SKI: variants seen among roughly 807,000 people sequenced by gnomAD.
SKI encodes SKI proto-oncogene, also known as ski oncogene.
In SKI, 23 loss-of-function variants were observed where a neutral mutation model predicts 59.3. That is an observed-to-expected ratio of 0.39 (90% CI 0.28 to 0.55). The LOEUF is 0.55. SKI is among the 20% of genes least tolerant of loss of function. The pLI is 0.67. For synonymous variants in SKI, 673 were observed against 488.6 expected (o/e 1.38, Z -4.98); for missense variants, 1,017 against 1,038.9 (o/e 0.98, Z 0.29).
At chr1:2,266,746 C>T (rs909691153) in intron 1 of SKI, among the ~76,000 whole-genome samples, 5 of 152,192 alleles carry the variant, frequency 3.3e-5, no homozygotes, top group African/African-American at 1.2e-4. Flanking sequence ...TCATCCACTC[C>T]ATTTGTAAAA....
At chr1:2,282,349 C>T (rs1253000170) in intron 1 of SKI, among the ~76,000 whole-genome samples, 1 of 10,866 alleles carries the variant, frequency 9.2e-5, no homozygotes, top group African/African-American at 5.8e-4. Context: ...AGAAGACAGG[C>T]GGTGGCGGAG....
At chr1:2,254,049 A>C (rs942592219) in intron 1 of SKI, among the ~76,000 whole-genome samples, 14 of 152,214 alleles carry the variant, frequency 9.2e-5, no homozygotes, top group African/African-American at 3.4e-4. Flanking sequence ...GCTTGTCCGG[A>C]GCTGCCTCAT....
At chr1:2,233,747 G>A in intron 1 of SKI, among the ~76,000 whole-genome samples, 1 of 152,170 alleles carries the variant, frequency 6.6e-6, no homozygotes, top group East Asian at 1.9e-4. Flanking sequence ...AGCTTGTGGA[G>A]GCCAGGAAGG....
At chr1:2,294,417 C>T (rs1640237611) in intron 1 of SKI, among the ~76,000 whole-genome samples, 1 of 152,244 alleles carries the variant, frequency 6.6e-6, no homozygotes, top group African/African-American at 2.4e-5. Flanking sequence ...ATCCAGAGCC[C>T]CGACTCCCGC....
intron 1 of SKI, among the ~76,000 whole-genome samples, chr1:2,230,320 G>C (rs1638606150): frequency 6.6e-6 from 1 of 152,198 alleles, no homozygotes; most frequent in South Asian, 2.1e-4. Flanking sequence ...AATGAAGCCA[G>C]GTGTCCAGGC....
chr1:2,266,675 A>G (rs1639507072), intron 1 of SKI, among the ~76,000 whole-genome samples: 1 of 152,178 alleles, frequency 6.6e-6, no homozygotes, highest in South Asian at 2.1e-4. Context: ...CCTTGGCTGC[A>G]GGCGGGCCCT....
intron 1 of SKI, chr1:2,232,566 A>C (rs1263475245): frequency 1.3e-5 from 2 of 152,204 alleles, no homozygotes; most frequent in Non-Finnish European, 2.9e-5. Flanking sequence ...CCCTCATGTC[A>C]CGGGGTTACA....
intron 1 of SKI, among the ~76,000 whole-genome samples, chr1:2,295,199 G>T (rs561911417): frequency 7.9e-5 from 12 of 152,302 alleles, no homozygotes; most frequent in Admixed American, 1.3e-4. Context: ...AGGTGTGCCA[G>T]TGTGGCAGCC....
chr1:2,229,171 G>T lies in SKI; in HGVS notation c.405G>T (p.Ser135=), dbSNP rs769774481. ...TCAACTCGGTGCTGCGCGACTTCTC[G>T]CTGCAGCAGATCAACGCGGTGTGCG... is the stretch of plus-strand genomic sequence containing the variant. ...QILNSVLRDF[S]LQQINAVCDE... The change falls in exon 1 of 7, where the codon TCG becomes TCT. Residue 135 remains serine (S), a synonymous_variant. Transcript: ENST00000378536. This position sits in a 1 kb window ranked among gnomAD's most constrained non-coding sequence, Gnocchi z 6.3. 1.9e-5 allele frequency: 31 copies of T among 1,611,666 alleles called. No homozygotes were observed. In the Admixed American group the frequency reaches 5.0e-4, roughly 26 times the overall value.
At position 2,270,329 on chromosome 1, in the gene SKI, C is replaced by A. The variant is rs529865857; in HGVS notation, c.970-32649C>A. Among the ~76,000 whole-genome samples the A allele has an allele frequency of 6.6e-6, 1 of 152,332 alleles. No homozygotes were observed. The highest frequency in any genetic ancestry group is 2.1e-4 in the South Asian group (1 of 4,824). On this transcript the variant is annotated intron_variant, in intron 1 of 6. Coordinates refer to ENST00000378536, the MANE Select transcript of SKI (RefSeq NM_003036.4). The surrounding 1 kb of genome is among the most constrained non-coding windows in gnomAD (Gnocchi z 4.1). ...GGGCTGAGAGATGCTGGTGACACCA[C>A]TCTGACGCCACGGCCTGAGGCAGCC...
At chr1:2,246,851 G>C (rs556452824) in intron 1 of SKI, among the ~76,000 whole-genome samples, 2 of 116,236 alleles carry the variant, frequency 1.7e-5, no homozygotes, top group African/African-American at 6.1e-5. Context: ...AGAGGAACCT[G>C]ATGGGGGGGG....
In SKI at chr1:2,306,397, AGGGT is replaced by A; in HGVS notation, c.1998+154_1998+157del. On this transcript the variant is annotated intron_variant, in intron 6 of 6. Transcript: ENST00000378536. ...CCGTGCGTGCCCCCCCGACGGGCAC[AGGGT>A]GGGTGGTTGCTGGGCCCTGCGTCTC... 1.5e-5 allele frequency: 15 copies of A among 999,612 alleles called. 1 individual carries two copies. In the South Asian group the frequency reaches 2.5e-4, roughly 17 times the overall value. 61.9% of individuals were successfully genotyped at this position (999,612 alleles called of 1,614,324 possible).
At position 2,303,408 on chromosome 1, in the gene SKI, G is replaced by C. The variant is rs1411361590; in HGVS notation, c.1211+8G>C. 2.5e-6 allele frequency: 4 copies of C among 1,607,086 alleles called. No homozygotes were observed. Among genetic ancestry groups the C allele is most frequent in the Non-Finnish European group, 3.4e-6 (4 of 1,175,176 alleles). On this transcript the variant is annotated splice_region_variant and intron_variant, in intron 3 of 6. Coordinates refer to ENST00000378536, the MANE Select transcript of SKI (RefSeq NM_003036.4). This position sits in a 1 kb window ranked among gnomAD's most constrained non-coding sequence, Gnocchi z 5.6. ...GGCCCTCATCCGAGACAGGTGAGTG[G>C]GCGCCATTCACAGGTGTTTCTGATC...
intron 1 of SKI, among the ~76,000 whole-genome samples, chr1:2,275,880 C>A (rs375087367): frequency 2.6e-4 from 39 of 152,146 alleles, no homozygotes; most frequent in African/African-American, 8.7e-4. Context: ...TGGCAGGCCC[C>A]GTTGCCTCCA....
At position 2,303,710 on chromosome 1, in the gene SKI, GCTTGA is replaced by G; in HGVS notation, c.1212-124_1212-120del. 7.7e-7 allele frequency: 1 copy of G among 1,302,390 alleles called. No individual in the cohort carries two copies. The highest frequency in any genetic ancestry group is 1.1e-6 in the Non-Finnish European group (1 of 934,050). The allele number at this position is 1,302,390 out of a possible 1,614,324, so 80.7% of individuals were successfully genotyped here. A position where few individuals can be genotyped will look rare whatever the true frequency, so the allele number is the denominator to read the frequency against. Reference sequence around the variant, plus strand: ...CTTACGGGTTCTTAGGGAACTGTAAGCTTGACTTGAAGATTCGGAGCTGGGAAAGT... The same window carrying G: ...CTTACGGGTTCTTAGGGAACTGTAAGCTTGAAGATTCGGAGCTGGGAAAGT... On this transcript the variant is annotated intron_variant, in intron 3 of 6. Transcript: ENST00000378536. The surrounding 1 kb of genome is among the most constrained non-coding windows in gnomAD (Gnocchi z 5.6).
rs1439271895 is a variant in SKI, at chr1:2,269,844, G to A, written c.970-33134G>A. 2.7e-5 allele frequency among the ~76,000 whole-genome samples: 4 copies of A among 150,176 alleles called. No individual in the cohort carries two copies. The highest frequency in any genetic ancestry group is 2.6e-4 in the Admixed American group (4 of 15,096). On this transcript the variant is annotated intron_variant, in intron 1 of 6. Transcript: ENST00000378536. The surrounding 1 kb of genome is among the most constrained non-coding windows in gnomAD (Gnocchi z 4.7). ...TGCCTGTGGCTGGCGTGGGTCTGGC[G>A]GGTCTGGTGGTGCCTGTGGCTGGCG...
rs1031232219 is a variant in SKI, at chr1:2,309,502, G to A, written c.*2737G>A. On this transcript the variant is annotated 3_prime_UTR_variant, in exon 7 of 7. Coordinates refer to ENST00000378536, the MANE Select transcript of SKI (RefSeq NM_003036.4). ...GTTGTATTATACATGTATATGCTGG[G>A]TCCTTTTTCAGAAACTCTTTTCTTA... The A allele has an allele frequency of 6.6e-6, 1 of 151,978 alleles. No individual in the cohort carries two copies. The highest frequency in any genetic ancestry group is 1.5e-5 in the Non-Finnish European group (1 of 67,998). 9.4% of individuals were successfully genotyped at this position (151,978 alleles called of 1,614,324 possible). A position where few individuals can be genotyped will look rare whatever the true frequency, so the allele number is the denominator to read the frequency against.
rs760413023 is a variant in SKI at position 2,303,461 on chromosome 1, A to G, written c.1211+61A>G. On this transcript the variant is annotated intron_variant, in intron 3 of 6. Coordinates refer to ENST00000378536, the MANE Select transcript of SKI (RefSeq NM_003036.4). The surrounding 1 kb of genome is among the most constrained non-coding windows in gnomAD (Gnocchi z 5.6). ...GGGGGAGGCTCCACGAGGGCTGTGC[A>G]TGCGGACGCGCCCATGTTTCTGCAG... The G allele has an allele frequency of 1.1e-5, 16 of 1,443,042 alleles. No homozygotes were observed. The highest frequency in any genetic ancestry group is 2.3e-5 in the East Asian group (1 of 43,884). The allele number at this position is 1,443,042 out of a possible 1,614,324, so 89.4% of individuals were successfully genotyped here.
At chr1:2,274,633 A>G (rs1639702217) in intron 1 of SKI, among the ~76,000 whole-genome samples, 1 of 152,202 alleles carries the variant, frequency 6.6e-6, no homozygotes, top group Non-Finnish European at 1.5e-5. Context: ...TGGAAGTGGG[A>G]TTCTAGGCTG....
Sources: allele counts gnomAD v4.1 joint callset (sites outside exome capture counted in the v4.1 genomes callset), GRCh38; gene constraint gnomAD v4.1.1; non-coding constraint Gnocchi (gnomAD v3.1); transcripts MANE v1.5; gene names NCBI Gene and HGNC (gene_info 2026-07-23, HGNC 2026-07-21).